The following RGPD2 variants were observed in gnomAD, a reference collection of about 807,000 sequenced individuals.
The protein encoded by RGPD2 is RANBP2-like and GRIP domain-containing protein 2.
Under a neutral mutation model 36.0 loss-of-function variants are expected in RGPD2, and 2 were observed. That is an observed-to-expected ratio of 0.06 (90% CI 0.02 to 0.17). The LOEUF (loss-of-function observed/expected upper bound fraction) is 0.17, where lower values mean the gene tolerates loss of function less well. RGPD2 is among the 10% of genes least tolerant of loss of function. The pLI is 1.00. For missense variants in RGPD2, 40 were observed against 464.3 expected, an observed-to-expected ratio of 0.09 and a Z score of 8.40; for synonymous variants, 19 against 163.8, an observed-to-expected ratio of 0.12 and a Z score of 6.75.
At chr2:87,919,056 AC>A in the RGPD2 span, among the ~76,000 whole-genome samples, 2 of 147,516 alleles carry the variant, frequency 1.4e-5, no homozygotes, top group East Asian at 2.0e-4. Flanking sequence ...CATATACAAG[AC>A]CCTGCACAGC....
At chr2:87,843,106 C>T in the RGPD2 span, among the ~76,000 whole-genome samples, 1 of 150,260 alleles carries the variant, frequency 6.7e-6, no homozygotes. Context: ...ACCATAAAAA[C>T]CCTAGAAGAA....
intron 1 of RGPD2, among the ~76,000 whole-genome samples, chr2:87,823,700 ATGTG>A (rs893799132): frequency 1.4e-5 from 2 of 143,296 alleles, no homozygotes; most frequent in East Asian, 4.0e-4. Flanking sequence ...ACAAAAGTAT[ATGTG>A]TGTGTTACTC....
chr2:87,877,761 T>C, the RGPD2 span, among the ~76,000 whole-genome samples: 3 of 125,634 alleles, frequency 2.4e-5, no homozygotes, highest in Non-Finnish European at 4.6e-5. Flanking sequence ...ACTGAGGTCA[T>C]GCCACTGCAC....
chr2:87,861,267 A>G, the RGPD2 span, among the ~76,000 whole-genome samples: 1 of 151,732 alleles, frequency 6.6e-6, no homozygotes, highest in East Asian at 1.9e-4. Context: ...AGCAAATTGA[A>G]GTCTTTAATT....
the RGPD2 span, among the ~76,000 whole-genome samples, chr2:87,923,734 AG>A: frequency 8.5e-5 from 12 of 141,996 alleles, no homozygotes; most frequent in Admixed American, 8.7e-4. Flanking sequence ...ATGTGTTGCC[AG>A]CCAATCAGCT....
the RGPD2 span, among the ~76,000 whole-genome samples, chr2:87,947,927 CG>C: frequency 1.3e-5 from 2 of 151,612 alleles, no homozygotes; most frequent in Non-Finnish European, 3.0e-5. Context: ...GCTACCCGTT[CG>C]GGACCCCTTC....
chr2:87,844,143 CA>C, the RGPD2 span, among the ~76,000 whole-genome samples: 1 of 139,890 alleles, frequency 7.1e-6, no homozygotes, highest in African/African-American at 2.7e-5. Context: ...AGCACACCAG[CA>C]TGGCACATGG....
chr2:87,847,162 T>A, the RGPD2 span, among the ~76,000 whole-genome samples: 3 of 152,170 alleles, frequency 2.0e-5, no homozygotes, highest in South Asian at 2.1e-4. Flanking sequence ...TGATGATATA[T>A]GTTATTACAT....
the RGPD2 span, among the ~76,000 whole-genome samples, chr2:87,844,983 A>G: frequency 9.1e-6 from 1 of 109,612 alleles, no homozygotes; most frequent in Non-Finnish European, 1.8e-5. Context: ...AAATAGGTAA[A>G]TTACTGATTC....
chr2:87,834,358 A>G, the RGPD2 span, among the ~76,000 whole-genome samples: 4 of 152,202 alleles, frequency 2.6e-5, no homozygotes, highest in Middle Eastern at 0.01. Flanking sequence ...AACAAGTAAG[A>G]CAAGGTTGAA....
At chr2:87,957,244 G>GT in the RGPD2 span, among the ~76,000 whole-genome samples, 2 of 139,162 alleles carry the variant, frequency 1.4e-5, no homozygotes, top group Non-Finnish European at 1.6e-5. Context: ...ACTGGGGGGG[G>GT]GCTCTCATTA....
At chr2:87,881,780 C>T in the RGPD2 span, among the ~76,000 whole-genome samples, 5 of 151,928 alleles carry the variant, frequency 3.3e-5, no homozygotes, top group Non-Finnish European at 7.4e-5. Context: ...CTGGCACCAA[C>T]TTTCTGTGTT....
At chr2:87,980,282 C>T in the RGPD2 span, among the ~76,000 whole-genome samples, 32,843 of 75,630 alleles carry the variant, frequency 0.43, 4,879 homozygotes, top group East Asian at 0.65. Context: ...ACCTGGGAGG[C>T]GGAGATTGCA....
At chr2:87,979,149 G>C in the RGPD2 span, among the ~76,000 whole-genome samples, 1 of 152,000 alleles carries the variant, frequency 6.6e-6, no homozygotes, top group Non-Finnish European at 1.5e-5. Context: ...CATGAGAACT[G>C]CCTGAACTCG....
At chr2:87,829,238 C>A (rs993081387), upstream of RGPD2, among the ~76,000 whole-genome samples, 2 of 79,974 alleles carry the variant, frequency 2.5e-5, no homozygotes, top group Non-Finnish European at 5.1e-5. Context: ...AATAATTCTA[C>A]TAATTTTCAT....
chr2:87,985,867 C>T, the RGPD2 span: 2 of 1,609,906 alleles, frequency 1.2e-6, no homozygotes, highest in Non-Finnish European at 1.7e-6. Flanking sequence ...ATCTGAACTG[C>T]TATTTCTTTT....
At chr2:87,924,369 T>C in the RGPD2 span, among the ~76,000 whole-genome samples, 1 of 146,596 alleles carries the variant, frequency 6.8e-6, no homozygotes, top group South Asian at 2.3e-4. Flanking sequence ...TTTTGGTCTC[T>C]TCTTCACTCA....
chr2:87,982,945 T>A, the RGPD2 span, among the ~76,000 whole-genome samples: 1 of 85,744 alleles, frequency 1.2e-5, no homozygotes, highest in African/African-American at 4.3e-5. Context: ...AGAAATCCAG[T>A]TTCTATGAGG....
the RGPD2 span, among the ~76,000 whole-genome samples, chr2:87,961,132 G>GAAAC: frequency 6.6e-6 from 1 of 152,014 alleles, no homozygotes; most frequent in Admixed American, 6.5e-5. Context: ...ATCTCATATA[G>GAAAC]AAACAAACAT....
Sources: gnomAD v4.1 joint callset for allele counts (sites outside exome capture counted in the v4.1 genomes callset) on GRCh38, gnomAD v4.1.1 for gene constraint, MANE v1.5 for transcripts, NCBI Gene and HGNC (gene_info 2026-07-23, HGNC 2026-07-21) for gene names.